Variants in PLA2G10 observed in about 807,000 individuals in gnomAD.
The protein encoded by PLA2G10 is phospholipase A2 group X.
Under a neutral mutation model 7.9 loss-of-function variants are expected in PLA2G10, and 9 were observed. The observed-to-expected ratio is 1.14, with a 90% confidence interval of 0.68 to 1.98. The LOEUF (loss-of-function observed/expected upper bound fraction) is 1.98. Ranked by LOEUF, PLA2G10 falls within the 30% of genes most tolerant of loss-of-function variation. The pLI is 0.00. For missense variants in PLA2G10, 53 were observed against 65.4 expected, an observed-to-expected ratio of 0.81 and a Z score of 0.66; for synonymous variants, 19 against 27.5, an observed-to-expected ratio of 0.69 and a Z score of 0.97.
At chr16:14,686,040 T>C (rs903838130) in intron 3 of PLA2G10, among the ~76,000 whole-genome samples, 3 of 146,712 alleles carry the variant, frequency 2.0e-5, no homozygotes, top group African/African-American at 7.5e-5. Flanking sequence ...TTGCCCAGGC[T>C]GAAGTGCAGT....
At chr16:14,679,840 A>G (rs1187605077) in intron 3 of PLA2G10, among the ~76,000 whole-genome samples, 4 of 151,970 alleles carry the variant, frequency 2.6e-5, no homozygotes, top group African/African-American at 9.7e-5. Flanking sequence ...ACAGATCGAG[A>G]TGGTCACCAC....
At chr16:14,682,904 A>C (rs1960931408) in intron 3 of PLA2G10, among the ~76,000 whole-genome samples, 1 of 152,066 alleles carries the variant, frequency 6.6e-6, no homozygotes, top group Admixed American at 6.6e-5. Flanking sequence ...CCCCATCTCT[A>C]CTAAAAATAC....
intron 3 of PLA2G10, among the ~76,000 whole-genome samples, chr16:14,681,199 AG>A (rs1242959499): frequency 1.4e-5 from 2 of 144,050 alleles, no homozygotes; most frequent in South Asian, 2.4e-4. Context: ...GAAAAGGGGG[AG>A]GGGGGAGAGA....
At chr16:14,680,748 G>C (rs1960867007) in intron 3 of PLA2G10, among the ~76,000 whole-genome samples, 1 of 152,096 alleles carries the variant, frequency 6.6e-6, no homozygotes, top group Non-Finnish European at 1.5e-5. Flanking sequence ...CAAAGCACTT[G>C]GCGCACACAC....
chr16:14,686,875 G>A (rs975841971), intron 3 of PLA2G10, among the ~76,000 whole-genome samples: 1 of 152,080 alleles, frequency 6.6e-6, no homozygotes, highest in African/African-American at 2.4e-5. Flanking sequence ...AGAGGCTGAG[G>A]CGGGTGGATC....
chr16:14,678,380 C>G (rs1300408406), intron 3 of PLA2G10, among the ~76,000 whole-genome samples: 1 of 152,228 alleles, frequency 6.6e-6, no homozygotes, highest in African/African-American at 2.4e-5. Flanking sequence ...CCACCTCTCT[C>G]CAAGACCACT....
chr16:14,685,942 G>C (rs1289579699), intron 3 of PLA2G10, among the ~76,000 whole-genome samples: 1 of 150,730 alleles, frequency 6.6e-6, no homozygotes, highest in Non-Finnish European at 1.5e-5. Context: ...CAAAGTGTTG[G>C]GATTACTGGT....
chr16:14,680,999 T>C (rs971327965), intron 3 of PLA2G10, among the ~76,000 whole-genome samples: 7 of 151,650 alleles, frequency 4.6e-5, no homozygotes, highest in Admixed American at 4.6e-4. Flanking sequence ...CCGTCTCTAC[T>C]AAAAATACAA....
At chr16:14,685,261 A>C (rs905085882) in intron 3 of PLA2G10, among the ~76,000 whole-genome samples, 2 of 151,786 alleles carry the variant, frequency 1.3e-5, no homozygotes, top group South Asian at 4.2e-4. Flanking sequence ...AATCCCAGCT[A>C]CTCAGGAAGC....
chr16:14,683,161 G>T (rs1005274636), intron 3 of PLA2G10, among the ~76,000 whole-genome samples: 4 of 151,928 alleles, frequency 2.6e-5, no homozygotes, highest in Non-Finnish European at 5.9e-5. Flanking sequence ...GTTAAGAGAA[G>T]TCAAATTATT....
chr16:14,684,023 A>C (rs1197299478), intron 3 of PLA2G10, among the ~76,000 whole-genome samples: 1 of 152,096 alleles, frequency 6.6e-6, no homozygotes, highest in Non-Finnish European at 1.5e-5. Flanking sequence ...GGATTGCTTG[A>C]AGCCAAGATT....
chr16:14,685,370 CAAAAAAA>C (rs1237588588), intron 3 of PLA2G10, among the ~76,000 whole-genome samples: 6 of 62,954 alleles, frequency 9.5e-5, no homozygotes, highest in East Asian at 4.5e-4. Context: ...GATTTCGTGT[CAAAAAAA>C]AAAAAAAAAG....
intron 3 of PLA2G10, among the ~76,000 whole-genome samples, chr16:14,683,827 C>A (rs1960966128): frequency 6.6e-6 from 1 of 152,152 alleles, no homozygotes; most frequent in Admixed American, 6.6e-5. Context: ...TGAACTTCAT[C>A]AAACTTAAAC....
intron 3 of PLA2G10, among the ~76,000 whole-genome samples, chr16:14,686,137 G>A (rs1961053546): frequency 6.6e-6 from 1 of 151,314 alleles, no homozygotes; most frequent in African/African-American, 2.4e-5. Context: ...GAGACTGCAG[G>A]TGCACACCAC....
chr16:14,675,957 G>C (rs867893415), intron 3 of PLA2G10, among the ~76,000 whole-genome samples: 1 of 149,684 alleles, frequency 6.7e-6, no homozygotes, highest in Non-Finnish European at 1.5e-5. Flanking sequence ...AAAAAAGTGG[G>C]CACATGACAT....
chr16:14,675,878 G>T (rs539984658), intron 3 of PLA2G10, among the ~76,000 whole-genome samples: 3 of 147,298 alleles, frequency 2.0e-5, no homozygotes, highest in Non-Finnish European at 4.4e-5. Context: ...GGCAGAGGTT[G>T]CAGGGAGCTG....
At chr16:14,682,400 C>G (rs961583154) in intron 3 of PLA2G10, among the ~76,000 whole-genome samples, 3 of 151,912 alleles carry the variant, frequency 2.0e-5, no homozygotes, top group Non-Finnish European at 4.4e-5. Context: ...TGGTGAAACA[C>G]TGTCTCTACT....
intron 3 of PLA2G10, among the ~76,000 whole-genome samples, chr16:14,681,451 C>T (rs936153965): frequency 6.6e-6 from 1 of 151,952 alleles, no homozygotes; most frequent in Non-Finnish European, 1.5e-5. Context: ...CCTTGAGCAA[C>T]AAAGATTCCG....
intron 3 of PLA2G10, among the ~76,000 whole-genome samples, chr16:14,677,992 A>G (rs1960773906): frequency 6.6e-6 from 1 of 152,176 alleles, no homozygotes; most frequent in East Asian, 1.9e-4. Flanking sequence ...AGATGAATGG[A>G]TAAACATAAT....
Sources: gnomAD v4.1 joint callset for allele counts (sites outside exome capture counted in the v4.1 genomes callset) on GRCh38, gnomAD v4.1.1 for gene constraint, MANE v1.5 for transcripts, NCBI Gene and HGNC (gene_info 2026-07-23, HGNC 2026-07-21) for gene names.